The following CNOT1 variants were observed in gnomAD, a reference collection of about 807,000 sequenced individuals.
The protein encoded by CNOT1 is CCR4-associated factor 1.
Under a neutral mutation model 273.8 loss-of-function variants are expected in CNOT1, and 15 were observed. The observed-to-expected ratio is 0.05, with a 90% CI of 0.04 to 0.08. The LOEUF (loss-of-function observed/expected upper bound fraction) is 0.08. Ranked by LOEUF, CNOT1 falls within the 10% of genes least tolerant of loss-of-function variation. The probability of loss-of-function intolerance (pLI) is 1.00; values close to 1 mark genes in which losing one functional copy is unlikely to be tolerated. For missense variants in CNOT1, 1,644 were observed against 2,912.2 expected (o/e 0.56, Z 10.02); for synonymous variants, 1,022 against 1,005.5 (o/e 1.02, Z -0.31).
chr16:58,608,810 C>T (rs1267317655), intron 1 of CNOT1, among the ~76,000 whole-genome samples: 4 of 152,114 alleles, frequency 2.6e-5, no homozygotes, highest in African/African-American at 7.2e-5. Flanking sequence ...TAATGGCATT[C>T]GCAGCGACCT....
intron 1 of CNOT1, among the ~76,000 whole-genome samples, chr16:58,627,704 A>G (rs1251654598): frequency 2.6e-5 from 4 of 152,150 alleles, no homozygotes; most frequent in Non-Finnish European, 5.9e-5. Context: ...TGGGAACCAA[A>G]AAGAGCACAT....
intron 1 of CNOT1, among the ~76,000 whole-genome samples, chr16:58,608,305 A>G (rs1480708533): frequency 6.6e-6 from 1 of 152,148 alleles, no homozygotes; most frequent in African/African-American, 2.4e-5. Context: ...ACGTAATCCC[A>G]GTACTATGGG....
intron 17 of CNOT1, chr16:58,559,963 A>T: frequency 1.8e-6 from 2 of 1,090,934 alleles, no homozygotes; most frequent in Non-Finnish European, 2.7e-6. Flanking sequence ...TTCATATTTT[A>T]AAAAGAAACC....
At chr16:58,570,259 C>T (rs1567413445) in intron 16 of CNOT1, among the ~76,000 whole-genome samples, 1 of 152,186 alleles carries the variant, frequency 6.6e-6, no homozygotes, top group Non-Finnish European at 1.5e-5. Flanking sequence ...AATGAAAAAA[C>T]ACTGAACACT....
At position 58,587,268 on chromosome 16, in the gene CNOT1, G is replaced by T. The variant is rs753956800; in HGVS notation, c.379-13C>A. The T allele has an allele frequency of 6.2e-7, 1 of 1,613,778 alleles. No homozygotes were observed. Among genetic ancestry groups the T allele is most frequent in the Non-Finnish European group, 8.5e-7 (1 of 1,179,910 alleles). ...GGCCAAAAATTACCTGAAACAAGAA[G>T]GATTAGATTAACCAAAGAGTCAAAT... On this transcript the variant is annotated splice_polypyrimidine_tract_variant and intron_variant, in intron 5 of 48. Coordinates refer to ENST00000317147, the MANE Select transcript of CNOT1 (RefSeq NM_016284.5).
chr16:58,624,493 T>C (rs1170686279), intron 1 of CNOT1, among the ~76,000 whole-genome samples: 3 of 152,180 alleles, frequency 2.0e-5, no homozygotes, highest in Admixed American at 1.3e-4. Flanking sequence ...ATTTCTCAAA[T>C]ATATACACTA....
intron 1 of CNOT1, among the ~76,000 whole-genome samples, chr16:58,604,002 C>T (rs1444747292): frequency 6.6e-6 from 1 of 152,126 alleles, no homozygotes; most frequent in Non-Finnish European, 1.5e-5. Flanking sequence ...AATATTTGCT[C>T]AATGAATAGA....
At chr16:58,621,114 A>G (rs1451956727) in intron 1 of CNOT1, among the ~76,000 whole-genome samples, 1 of 151,724 alleles carries the variant, frequency 6.6e-6, no homozygotes, top group Non-Finnish European at 1.5e-5. Context: ...GGCTCAGGTG[A>G]TCCTCCCACC....
rs1273264620 is a variant in CNOT1 at position 58,560,410 on chromosome 16, C to T, written c.1980-48G>A. On this transcript the variant is annotated intron_variant, in intron 16 of 48. Transcript: ENST00000317147. ...AAAAATATCAGTTCCTATTCTCTAG[C>T]ACATGTAAGTAAACCAACCGATCTG... 3 of 1,583,606 alleles carry T rather than the reference C, an allele frequency of 1.9e-6. No homozygotes were observed. In the South Asian group the frequency reaches 3.5e-5, roughly 18 times the overall value.
intron 15 of CNOT1, 63 bp downstream of exon 15, chr16:58,574,944 A>G (rs2041409342): frequency 6.3e-7 from 1 of 1,591,312 alleles, no homozygotes; most frequent in Non-Finnish European, 8.5e-7. Context: ...TAAAAGTTGT[A>G]CTTGATAGCC....
intron 10 of CNOT1, 139 bp from the exon 11 acceptor site, chr16:58,581,654 T>C: frequency 7.6e-7 from 1 of 1,313,620 alleles, no homozygotes; most frequent in Non-Finnish European, 1.0e-6. Context: ...AAGAAACCCA[T>C]TCTTTTTTTT....
In CNOT1 at chr16:58,548,506, C is replaced by T. The variant is rs78103641; in HGVS notation, c.3523-824G>A. Reference sequence around the variant, plus strand: ...AATAAAAACGAAATAGAGCCATGTTCCTTAACTCTATACAGCAACAGCAGA... The same window carrying T: ...AATAAAAACGAAATAGAGCCATGTTTCTTAACTCTATACAGCAACAGCAGA... On this transcript the variant is annotated intron_variant, in intron 25 of 48. Transcript: ENST00000317147. 0.011 allele frequency: 5,524 copies of T among 517,964 alleles called. 266 individuals carry two copies. In the East Asian group the frequency reaches 0.11, roughly 10 times the overall value. The allele number at this position is 517,964 out of a possible 1,614,324, so 32.1% of individuals were successfully genotyped here.
intron 45 of CNOT1, 161 bp from the exon 46 acceptor site, chr16:58,525,520 C>T: frequency 1.6e-6 from 1 of 633,264 alleles, no homozygotes; most frequent in Non-Finnish European, 2.7e-6. Flanking sequence ...CACACAGATG[C>T]TCCAAAGGTG....
Position 58,574,611 on chromosome 16 carries a change from T to A in CNOT1, c.1977A>T (p.Ala659=). 6.3e-7 allele frequency: 1 copy of A among 1,581,722 alleles called. No homozygotes were observed. Among genetic ancestry groups the A allele is most frequent in the Non-Finnish European group, 8.5e-7 (1 of 1,171,972 alleles). ...ATATTCATGTATGTACTTCTTACCC[T>A]GCACAAGCTTGCAGACAGGCCAACA... is the stretch of plus-strand genomic sequence containing the variant. ...ATMLACLQAC[A]GSVSQELSET... is the part of the protein sequence containing the mutation. The change falls in exon 16 of 49, where the codon GCA becomes GCT. Residue 659 remains alanine (A), a splice_region_variant and synonymous_variant. Transcript: ENST00000317147.
At chr16:58,581,570 A>G in intron 10 of CNOT1, 55 bp from the exon 11 acceptor site, 4 of 1,478,534 alleles carry the variant, frequency 2.7e-6, no homozygotes, top group African/African-American at 1.4e-5. Context: ...ATTTTGATAC[A>G]TTATCCAAAA....
Position 58,581,496 on chromosome 16 carries a change from T to C in CNOT1, c.1064A>G (p.Lys355Arg), listed in dbSNP as rs2041655553. ...ATGGTCCAGTTCATAAGTTACTTCC[T>C]TGAAATTCAAACTTGGATTCTAAAA... is the stretch of plus-strand genomic sequence containing the variant. ...LKELNPSLNF[K>R]EVTYELDHPG... Residue 355 changes from lysine (K) to arginine (R), a missense_variant, in exon 11 of 49, where the codon AAG (lysine) becomes AGG (arginine). Lys to Arg is a conservative substitution (Grantham distance 26). Around this residue, in one of 13 missense-constraint regions of CNOT1, gnomAD observed 706 missense variants for 1,021.2 expected, o/e 0.69. Coordinates refer to ENST00000317147, the MANE Select transcript of CNOT1 (RefSeq NM_016284.5). 6.2e-7 allele frequency: 1 copy of C among 1,611,550 alleles called. No homozygotes were observed.
chr16:58,540,184 G>A, intron 34 of CNOT1: 1 of 413,490 alleles, frequency 2.4e-6, no homozygotes, highest in Non-Finnish European at 4.3e-6. Flanking sequence ...TTTCATTTGA[G>A]AGAGGAAAAC....
rs1340697461 is a variant in CNOT1, at chr16:58,555,523, C to T, written c.2619G>A (p.Leu873=). 2 of 1,612,634 alleles carry T rather than the reference C, an allele frequency of 1.2e-6. No homozygotes were observed. The highest frequency in any genetic ancestry group is 1.3e-5 in the African/African-American group (1 of 74,904). The part of the protein sequence containing the change: ...TMSVDEVLEM[L]QRFKDSTIKR... Reference sequence around the variant, plus strand: ...TTATAGTAGAGTCTTTAAATCTCTGCAGCATTTCTAATACCTGGAAAAGCA... The same window carrying T: ...TTATAGTAGAGTCTTTAAATCTCTGTAGCATTTCTAATACCTGGAAAAGCA... The change falls in exon 21 of 49, where the codon CTG becomes CTA. Residue 873 remains leucine, a synonymous_variant. Transcript: ENST00000317147.
intron 24 of CNOT1, 56 bp downstream of exon 24, chr16:58,551,076 C>T: frequency 6.3e-7 from 1 of 1,590,390 alleles, no homozygotes; most frequent in Non-Finnish European, 8.5e-7. Context: ...AACTATACAT[C>T]CTTTAGTCCA....
Sources: gnomAD v4.1 joint callset for allele counts (sites outside exome capture counted in the v4.1 genomes callset) on GRCh38, gnomAD v4.1.1 for gene constraint, gnomAD v4.1.1 regional missense constraint, MANE v1.5 for transcripts, NCBI Gene and HGNC (gene_info 2026-07-23, HGNC 2026-07-21) for gene names.